MYO3B: variants seen among roughly 807,000 people sequenced by gnomAD.
MYO3B encodes the protein myosin IIIB.
MYO3B carries 156 observed loss-of-function variants against 174.6 expected under a neutral mutation model. The observed-to-expected ratio is 0.89, with a 90% CI of 0.78 to 1.02. The LOEUF is 1.02. Among genes scored for constraint, MYO3B ranks in the 50% least tolerant of loss-of-function variants. MYO3B has a pLI of 0.00. For missense variants in MYO3B, 1,632 were observed against 1,639.4 expected (o/e 1.00, Z 0.08); for synonymous variants, 563 against 569.1 (o/e 0.99, Z 0.15).
At chr2:170,394,552 G>GA (rs1362121777) in intron 16 of MYO3B, among the ~76,000 whole-genome samples, 3 of 152,040 alleles carry the variant, frequency 2.0e-5, no homozygotes, top group African/African-American at 7.2e-5. Context: ...AACATGAAAA[G>GA]AAAAAAATGT....
chr2:170,208,038 C>T (rs970163695), intron 3 of MYO3B, among the ~76,000 whole-genome samples: 6 of 152,152 alleles, frequency 3.9e-5, no homozygotes, highest in Non-Finnish European at 7.3e-5. Flanking sequence ...TTCTCTAGAC[C>T]TCATTTATGC....
intron 6 of MYO3B, among the ~76,000 whole-genome samples, chr2:170,230,336 A>ATTTTTTTTTTTTTT (rs60171555): frequency 7.7e-5 from 5 of 64,722 alleles, no homozygotes; most frequent in African/African-American, 2.7e-4. Flanking sequence ...CGCCTGGCTA[A>ATTTTTTTTTTTTTT]TTTTTTTTTT....
At chr2:170,255,596 C>A (rs2093297922) in intron 7 of MYO3B, among the ~76,000 whole-genome samples, 1 of 152,122 alleles carries the variant, frequency 6.6e-6, no homozygotes, top group African/African-American at 2.4e-5. Context: ...AGCCAATTGA[C>A]TGTATACAGC....
At chr2:170,642,773 G>C (rs1402496047) in intron 32 of MYO3B, among the ~76,000 whole-genome samples, 1 of 152,006 alleles carries the variant, frequency 6.6e-6, no homozygotes, top group Non-Finnish European at 1.5e-5. Context: ...ACTTAAATTT[G>C]GAAATCTGAG....
intron 3 of MYO3B, among the ~76,000 whole-genome samples, chr2:170,213,551 T>C (rs2092795586): frequency 6.6e-6 from 1 of 152,218 alleles, no homozygotes; most frequent in Admixed American, 6.5e-5. Context: ...TCGGGTCTGG[T>C]TCCTAGGCAC....
At chr2:170,199,056 A>G (rs532809326) in intron 1 of MYO3B, 152 bp from the exon 2 acceptor site, 42 of 529,776 alleles carry the variant, frequency 7.9e-5, no homozygotes, top group African/African-American at 7.6e-4. Context: ...GGAGGGTCCA[A>G]GTTCTTTTTC....
In MYO3B at chr2:170,386,198, A is replaced by G; in HGVS notation, c.1300A>G (p.Ile434Val). Residue 434 changes from isoleucine to valine, a missense_variant, in exon 13 of 35, where the codon ATC (isoleucine) becomes GTC (valine). Coordinates refer to ENST00000408978, the MANE Select transcript of MYO3B (RefSeq NM_138995.5). ...VTLSKDQCIV[I>V]SGESGSGKTE... ...CCATTTTCTGTGCCAGTGCATTGTC[A>G]TCAGCGGAGAGAGTGGCTCTGGGAA... is the stretch of plus-strand genomic sequence containing the variant. 6.2e-7 allele frequency: 1 copy of G among 1,613,506 alleles called. No individual in the cohort carries two copies. The highest frequency in any genetic ancestry group is 8.5e-7 in the Non-Finnish European group (1 of 1,179,572).
At chr2:170,623,195 T>C (rs1298504686) in intron 32 of MYO3B, among the ~76,000 whole-genome samples, 2 of 152,212 alleles carry the variant, frequency 1.3e-5, no homozygotes, top group Non-Finnish European at 2.9e-5. Flanking sequence ...ACCAACAGTG[T>C]AAAACTGTTC....
chr2:170,637,364 G>C (rs1257433030), intron 32 of MYO3B, among the ~76,000 whole-genome samples: 2 of 151,972 alleles, frequency 1.3e-5, no homozygotes, highest in East Asian at 3.9e-4. Flanking sequence ...GTAGAGACAG[G>C]GTTTTGCTAT....
intron 22 of MYO3B, chr2:170,412,180 G>T (rs934064763): frequency 7.2e-5 from 11 of 152,186 alleles, no homozygotes; most frequent in Admixed American, 7.2e-4. Flanking sequence ...TTTCCTGTTT[G>T]GGTAATGTTC....
chr2:170,532,799 A>C (rs1689440526), intron 30 of MYO3B, among the ~76,000 whole-genome samples: 1 of 145,186 alleles, frequency 6.9e-6, no homozygotes, highest in Admixed American at 7.1e-5. Context: ...CTGGGCAACA[A>C]GAGTGAAACT....
chr2:170,492,283 C>G (rs577253330), intron 25 of MYO3B, among the ~76,000 whole-genome samples: 1 of 152,182 alleles, frequency 6.6e-6, no homozygotes, highest in African/African-American at 2.4e-5. Context: ...TGGATAGTTT[C>G]CTCGTATGAA....
intron 6 of MYO3B, among the ~76,000 whole-genome samples, chr2:170,230,494 T>C (rs2093003922): frequency 6.6e-6 from 1 of 151,840 alleles, no homozygotes; most frequent in African/African-American, 2.4e-5. Flanking sequence ...GACCTAGTTA[T>C]ATAATCAAGA....
chr2:170,397,369 T>C (rs2094447501), intron 16 of MYO3B, among the ~76,000 whole-genome samples: 1 of 152,240 alleles, frequency 6.6e-6, no homozygotes, highest in Admixed American at 6.5e-5. Context: ...ACCGTTCCTA[T>C]TCCTTTGCTG....
At chr2:170,574,901 CCTT>C (rs1301763693) in intron 32 of MYO3B, among the ~76,000 whole-genome samples, 2 of 152,140 alleles carry the variant, frequency 1.3e-5, no homozygotes, top group Non-Finnish European at 2.9e-5. Flanking sequence ...GTCTTGATCT[CCTT>C]CTCCCTCTCC....
intron 8 of MYO3B, among the ~76,000 whole-genome samples, chr2:170,356,484 T>C (rs1031124202): frequency 1.3e-5 from 2 of 152,156 alleles, no homozygotes; most frequent in African/African-American, 4.8e-5. Context: ...TGCCTCAGCC[T>C]CCTGAGTAGC....
In MYO3B at chr2:170,495,335, A is replaced by G. The variant is rs374744825; in HGVS notation, c.3015-3257A>G. 6.9e-4 allele frequency among the ~76,000 whole-genome samples: 105 copies of G among 152,318 alleles called. 1 individual carries two copies. Among genetic ancestry groups the G allele is most frequent in the African/African-American group, 2.5e-3 (103 of 41,572 alleles). Reference sequence around the variant, plus strand: ...GCTAGAATCCAAAATTATTCCGTGAAGGAAACATATTATGCTTTTCTTACT... The same window carrying G: ...GCTAGAATCCAAAATTATTCCGTGAGGGAAACATATTATGCTTTTCTTACT... On this transcript the variant is annotated intron_variant, in intron 25 of 34. Transcript: ENST00000408978.
chr2:170,612,051 G>A (rs1296049553), intron 32 of MYO3B, among the ~76,000 whole-genome samples: 1 of 152,170 alleles, frequency 6.6e-6, no homozygotes, highest in Non-Finnish European at 1.5e-5. Context: ...GGACTGCCTG[G>A]CCACACCTTC....
chr2:170,408,957 C>T (rs1459066269), intron 22 of MYO3B, among the ~76,000 whole-genome samples: 4 of 152,022 alleles, frequency 2.6e-5, no homozygotes, highest in Admixed American at 1.3e-4. Context: ...CCCAGGAGCT[C>T]GGGGCAGGTG....
Sources: gnomAD v4.1 joint callset for allele counts (sites outside exome capture counted in the v4.1 genomes callset) on GRCh38, gnomAD v4.1.1 for gene constraint, MANE v1.5 for transcripts, NCBI Gene and HGNC (gene_info 2026-07-23, HGNC 2026-07-21) for gene names.